Variants in GRXCR2 observed in about 807,000 individuals in gnomAD.
GRXCR2 encodes the protein glutaredoxin domain-containing cysteine-rich protein 2.
Under a neutral mutation model 24.8 loss-of-function variants are expected in GRXCR2, and 23 were observed. The ratio of observed to expected loss-of-function variants is 0.93; its 90% CI spans 0.67 to 1.32. The LOEUF is 1.32. Ranked by LOEUF, GRXCR2 falls within the 40% of genes most tolerant of loss-of-function variation. The probability of loss-of-function intolerance (pLI) is 0.00; values close to 1 mark genes in which losing one functional copy is unlikely to be tolerated. For missense variants in GRXCR2, 315 were observed against 303.4 expected (o/e 1.04, Z -0.28); for synonymous variants, 130 against 116.1 (o/e 1.12, Z -0.77).
At chr5:145,926,439 T>G (rs1411559177) in intron 2 of GRXCR2, among the ~76,000 whole-genome samples, 1 of 152,232 alleles carries the variant, frequency 6.6e-6, no homozygotes, top group Non-Finnish European at 1.5e-5. Flanking sequence ...TTCAGCTTTC[T>G]ACATATGGCT....
chr5:145,864,351 C>T (rs1159023776), intron 2 of GRXCR2, among the ~76,000 whole-genome samples: 2 of 152,070 alleles, frequency 1.3e-5, no homozygotes, highest in African/African-American at 2.4e-5. Flanking sequence ...CCAGCAGAGG[C>T]CAGGCTACAC....
chr5:145,871,583 G>A (rs1374610687), intron 1 of GRXCR2, among the ~76,000 whole-genome samples: 3 of 152,160 alleles, frequency 2.0e-5, no homozygotes, highest in Non-Finnish European at 4.4e-5. Flanking sequence ...ACCCCATTAA[G>A]ATAAGAGGTC....
chr5:145,897,975 G>A (rs1164602140), intron 2 of GRXCR2, among the ~76,000 whole-genome samples: 2 of 151,976 alleles, frequency 1.3e-5, no homozygotes, highest in Non-Finnish European at 2.9e-5. Flanking sequence ...GAGCAGAACT[G>A]AATGAAATTG....
chr5:145,892,496 C>G (rs1200636489), intron 2 of GRXCR2, among the ~76,000 whole-genome samples: 1 of 152,134 alleles, frequency 6.6e-6, no homozygotes, highest in Non-Finnish European at 1.5e-5. Flanking sequence ...GCACAAGTCT[C>G]AGTAGCCAAT....
At chr5:145,865,816 A>T (rs1756419222) in intron 2 of GRXCR2, among the ~76,000 whole-genome samples, 1 of 152,110 alleles carries the variant, frequency 6.6e-6, no homozygotes, top group Non-Finnish European at 1.5e-5. Flanking sequence ...TAACACCAAT[A>T]ATAGAAGAAC....
intron 2 of GRXCR2, among the ~76,000 whole-genome samples, chr5:145,912,679 C>T (rs1412085452): frequency 6.6e-6 from 1 of 152,090 alleles, no homozygotes; most frequent in Non-Finnish European, 1.5e-5. Context: ...CAGAAGAGCT[C>T]TAAATAGCAA....
rs552971618 is a variant in GRXCR2, at chr5:145,859,974, C to A, written c.565-59G>T. On this transcript the variant is annotated intron_variant, in intron 2 of 2. Coordinates refer to ENST00000377976, the MANE Select transcript of GRXCR2 (RefSeq NM_001080516.2). Reference sequence around the variant, plus strand: ...GCAGTTCAAGTCCGTTGTTCACATGCAGGTCAAAACAGCACTAGACTACAG... The same window carrying A: ...GCAGTTCAAGTCCGTTGTTCACATGAAGGTCAAAACAGCACTAGACTACAG... 21 of 1,365,972 alleles carry A rather than the reference C, an allele frequency of 1.5e-5. No individual in the cohort carries two copies. In the South Asian group the frequency reaches 2.9e-4, roughly 19 times the overall value. 84.6% of individuals were successfully genotyped at this position (1,365,972 alleles called of 1,614,324 possible).
chr5:145,911,476 C>T (rs11743141), intron 2 of GRXCR2, among the ~76,000 whole-genome samples: 35,649 of 151,992 alleles, frequency 0.23, 4,750 homozygotes, highest in East Asian at 0.62. Flanking sequence ...GCATCAAAGC[C>T]GAGAACACTA....
intron 2 of GRXCR2, among the ~76,000 whole-genome samples, chr5:145,928,673 G>A (rs1371465270): frequency 4.8e-5 from 7 of 147,202 alleles, no homozygotes; most frequent in East Asian, 2.1e-4. Flanking sequence ...AACACCACAT[G>A]TTCTCACTCA....
At chr5:145,926,803 A>G (rs1757403716) in intron 2 of GRXCR2, among the ~76,000 whole-genome samples, 1 of 152,206 alleles carries the variant, frequency 6.6e-6, no homozygotes, top group Non-Finnish European at 1.5e-5. Context: ...CATTGAATCT[A>G]TAAATTACCT....
At chr5:145,889,753 G>T (rs558021146) in intron 2 of GRXCR2, among the ~76,000 whole-genome samples, 1 of 152,176 alleles carries the variant, frequency 6.6e-6, no homozygotes, top group Non-Finnish European at 1.5e-5. Context: ...GACAGGTAAA[G>T]AATTCAAAGC....
Position 145,884,770 on chromosome 5 carries a change from GA to G in GRXCR2, c.-69-18043del, listed in dbSNP as rs553585351. Reference sequence around the variant, plus strand: ...TACATTCCAAGCACTTGGGAGTTGGGAAAAAAAATATTCACAGACACCTAGG... The same window carrying G: ...TACATTCCAAGCACTTGGGAGTTGGGAAAAAAATATTCACAGACACCTAGG... On this transcript the variant is annotated intron_variant, in intron 2 of 3. Transcript: ENST00000639411. Among the ~76,000 whole-genome samples the G allele has an allele frequency of 1.1e-3, 164 of 151,838 alleles. No individual in the cohort carries two copies. In the Middle Eastern group the frequency reaches 0.017, roughly 16 times the overall value.
At chr5:145,890,648 A>G (rs1756849824) in intron 2 of GRXCR2, among the ~76,000 whole-genome samples, 1 of 152,222 alleles carries the variant, frequency 6.6e-6, no homozygotes, top group Non-Finnish European at 1.5e-5. Context: ...CAAAAGAATG[A>G]TACCTGTTAC....
Position 145,902,897 on chromosome 5 carries a change from C to T in GRXCR2, c.-70+32804G>A, listed in dbSNP as rs116655195. Among the ~76,000 whole-genome samples the T allele has an allele frequency of 4.1e-3, 620 of 152,208 alleles. 2 individuals carry two copies. The highest frequency in any genetic ancestry group is 0.014 in the African/African-American group (583 of 41,536). On this transcript the variant is annotated intron_variant, in intron 2 of 3. Transcript: ENST00000639411. ...AGGAGACCTTGGAGGGGTTTGAGTG[C>T]GCCCCCAAGGTCACAAAGGCATAAG...
chr5:145,929,198 C>CATATATATATATATATATGTAT (rs1554107328), intron 2 of GRXCR2, among the ~76,000 whole-genome samples: 1 of 88,422 alleles, frequency 1.1e-5, no homozygotes, highest in African/African-American at 5.8e-5. Context: ...AATATTCCCC[C>CATATATATATATATATATGTAT]CTATATATAT....
chr5:145,904,026 G>A (rs982877178), intron 2 of GRXCR2, among the ~76,000 whole-genome samples: 3 of 152,160 alleles, frequency 2.0e-5, no homozygotes, highest in Non-Finnish European at 4.4e-5. Flanking sequence ...GCCCTGAAGT[G>A]GTTTAACAAT....
At chr5:145,922,704 A>T (rs1757339140) in intron 2 of GRXCR2, among the ~76,000 whole-genome samples, 1 of 152,222 alleles carries the variant, frequency 6.6e-6, no homozygotes, top group Non-Finnish European at 1.5e-5. Flanking sequence ...CTGTTTCTAC[A>T]CCCAGGGACT....
upstream of GRXCR2, among the ~76,000 whole-genome samples, chr5:145,874,868 T>C (rs2098612948): frequency 2.6e-5 from 4 of 152,162 alleles, no homozygotes; most frequent in Non-Finnish European, 5.9e-5. Context: ...AGCTTACCCA[T>C]TTCTCAAACC....
chr5:145,911,967 C>G (rs1358950633), intron 2 of GRXCR2, among the ~76,000 whole-genome samples: 1 of 152,190 alleles, frequency 6.6e-6, no homozygotes, highest in Non-Finnish European at 1.5e-5. Context: ...TATGGTGGCA[C>G]ACACCTGTGG....
Sources: gnomAD v4.1 joint callset for allele counts (sites outside exome capture counted in the v4.1 genomes callset) on GRCh38, gnomAD v4.1.1 for gene constraint, MANE v1.5 for transcripts, NCBI Gene and HGNC (gene_info 2026-07-23, HGNC 2026-07-21) for gene names.